Variants in CCDC144A observed in about 807,000 individuals in gnomAD.
The protein encoded by CCDC144A is coiled-coil domain containing 144A.
In CCDC144A, 41 loss-of-function variants were observed where a neutral mutation model predicts 143.8. The ratio of observed to expected loss-of-function variants is 0.29; its 90% CI spans 0.22 to 0.37. The LOEUF (loss-of-function observed/expected upper bound fraction) is 0.37, where lower values mean the gene tolerates loss of function less well. CCDC144A is among the 10% of genes least tolerant of loss of function. The probability of loss-of-function intolerance (pLI) is 1.00; values close to 1 mark genes in which losing one functional copy is unlikely to be tolerated. For synonymous variants in CCDC144A, 242 were observed against 517.9 expected (o/e 0.47, Z 7.23); for missense variants, 637 against 1,488.8 (o/e 0.43, Z 9.41).
chr17:16,706,528 T>G (rs1458182204), intron 3 of CCDC144A: 1 of 139,626 alleles, frequency 7.2e-6, no homozygotes, highest in Non-Finnish European at 1.5e-5. Context: ...CAGGCCTCTT[T>G]CTGCCTTTTG....
Position 16,776,643 on chromosome 17 carries a change from C to T in CCDC144A, c.*3010C>T. On this transcript the variant is annotated 3_prime_UTR_variant, in exon 17 of 17. Transcript: ENST00000399273. ...TCTAGATATAGGATCATATCATCTG[C>T]AAACAAAGATAGTTTGACTTCCTGT... 6.6e-6 allele frequency: 1 copy of T among 152,110 alleles called. No homozygotes were observed. The highest frequency in any genetic ancestry group is 1.5e-5 in the Non-Finnish European group (1 of 68,042). 9.4% of individuals were successfully genotyped at this position (152,110 alleles called of 1,614,324 possible).
At chr17:16,682,908 T>G in the CCDC144A span, among the ~76,000 whole-genome samples, 9 of 127,604 alleles carry the variant, frequency 7.1e-5, no homozygotes, top group South Asian at 5.9e-4. Context: ...TTTTTTTTTT[T>G]TTTTTTTTTT....
In CCDC144A at chr17:16,777,666, G is replaced by A. The variant is rs1253847844; in HGVS notation, c.*4033G>A. ...AATTTAAAAATTCTTTGAACTGAAC[G>A]ATAATAGTGACACAACCTATCAAAA... On this transcript the variant is annotated 3_prime_UTR_variant, in exon 17 of 17. Coordinates refer to ENST00000399273, the MANE Select transcript of CCDC144A (RefSeq NM_001382000.1). 5 of 137,072 alleles carry A rather than the reference G, an allele frequency of 3.6e-5. No homozygotes were observed. The highest frequency in any genetic ancestry group is 7.4e-5 in the Admixed American group (1 of 13,600). 8.5% of individuals were successfully genotyped at this position (137,072 alleles called of 1,614,324 possible).
intron 5 of CCDC144A, among the ~76,000 whole-genome samples, chr17:16,711,136 G>GAAAA (rs1210697273): frequency 0.022 from 472 of 21,762 alleles, 40 homozygotes; most frequent in Admixed American, 0.053. Flanking sequence ...GGATTCAAAT[G>GAAAA]AAAAAAAAAA....
intron 15 of CCDC144A, among the ~76,000 whole-genome samples, chr17:16,770,948 A>T (rs1415315618): frequency 6.6e-6 from 1 of 152,178 alleles, no homozygotes; most frequent in Non-Finnish European, 1.5e-5. Flanking sequence ...TGTCACAGAA[A>T]TGTTATGGAA....
upstream of CCDC144A, among the ~76,000 whole-genome samples, chr17:16,684,971 A>G (rs192042287): frequency 3.8e-3 from 582 of 152,308 alleles, 6 homozygotes; most frequent in African/African-American, 0.013. Context: ...CAAAAAAACA[A>G]AACAAACCCA....
At chr17:16,724,054 T>C (rs1913244580) in intron 8 of CCDC144A, among the ~76,000 whole-genome samples, 1 of 151,626 alleles carries the variant, frequency 6.6e-6, no homozygotes, top group Admixed American at 6.6e-5. Context: ...TTTCATTCAG[T>C]TCAAAATACT....
chr17:16,703,164 A>G (rs1266681776), intron 2 of CCDC144A, among the ~76,000 whole-genome samples: 2 of 152,172 alleles, frequency 1.3e-5, no homozygotes, highest in Non-Finnish European at 2.9e-5. Context: ...CTGAATTAAG[A>G]ATTTATTATG....
intron 2 of CCDC144A, among the ~76,000 whole-genome samples, chr17:16,694,438 C>T (rs1421934170): frequency 6.6e-6 from 1 of 152,010 alleles, no homozygotes; most frequent in African/African-American, 2.4e-5. Flanking sequence ...AAAAAATTAG[C>T]TGGGTGTTTT....
At chr17:16,771,262 TA>T (rs1405566474) in intron 15 of CCDC144A, among the ~76,000 whole-genome samples, 1 of 152,258 alleles carries the variant, frequency 6.6e-6, no homozygotes, top group Non-Finnish European at 1.5e-5. Flanking sequence ...TGCAGTTAAA[TA>T]ACTCTAAATT....
intron 12 of CCDC144A, chr17:16,737,483 C>T (rs1240339566): frequency 7.9e-7 from 1 of 1,265,348 alleles, no homozygotes; most frequent in Non-Finnish European, 1.0e-6. Context: ...AATCTTACTA[C>T]CATAATTTAA....
intron 8 of CCDC144A, among the ~76,000 whole-genome samples, chr17:16,724,925 A>T (rs1429594401): frequency 7.1e-6 from 1 of 141,012 alleles, no homozygotes; most frequent in Non-Finnish European, 1.5e-5. Context: ...TGCTAGGATT[A>T]CAGGCATGAG....
chr17:16,713,963 G>A (rs1228115286), intron 6 of CCDC144A, among the ~76,000 whole-genome samples: 1 of 152,062 alleles, frequency 6.6e-6, no homozygotes, highest in Non-Finnish European at 1.5e-5. Flanking sequence ...CAAGATTGTT[G>A]TTCTCAAGTT....
At chr17:16,693,086 T>C in intron 2 of CCDC144A, 37 bp downstream of exon 2, 6 of 1,565,114 alleles carry the variant, frequency 3.8e-6, no homozygotes, top group Non-Finnish European at 4.3e-6. Flanking sequence ...TTGGTGGTCC[T>C]ACCATAGGTA....
chr17:16,740,263 C>T (rs1224134499), intron 12 of CCDC144A, among the ~76,000 whole-genome samples: 1 of 152,150 alleles, frequency 6.6e-6, no homozygotes, highest in Non-Finnish European at 1.5e-5. Flanking sequence ...TTCTCTTGTA[C>T]ACTCCCGGAG....
At chr17:16,684,152 A>C in the CCDC144A span, 1 of 1,184,220 alleles carries the variant, frequency 8.4e-7, no homozygotes, top group African/African-American at 1.5e-5. Flanking sequence ...GTGGAAGACA[A>C]GTGCAGGGAA....
chr17:16,739,843 T>C (rs1375972770), intron 12 of CCDC144A, among the ~76,000 whole-genome samples: 1 of 151,694 alleles, frequency 6.6e-6, no homozygotes, highest in East Asian at 1.9e-4. Context: ...AGTTGTCTTA[T>C]GTAAGAATAG....
intron 9 of CCDC144A, among the ~76,000 whole-genome samples, chr17:16,729,280 T>C (rs1327126864): frequency 6.6e-6 from 1 of 152,202 alleles, no homozygotes; most frequent in Non-Finnish European, 1.5e-5. Flanking sequence ...ATAATGAGCA[T>C]GCTGGCTGGA....
chr17:16,699,215 T>A (rs1002557957), intron 2 of CCDC144A, among the ~76,000 whole-genome samples: 3 of 150,248 alleles, frequency 2.0e-5, no homozygotes, highest in Non-Finnish European at 4.4e-5. Context: ...TTACATTTCT[T>A]CAGAAATTGG....
Sources: allele counts gnomAD v4.1 joint callset (sites outside exome capture counted in the v4.1 genomes callset), GRCh38; gene constraint gnomAD v4.1.1; transcripts MANE v1.5; gene names NCBI Gene and HGNC (gene_info 2026-07-23, HGNC 2026-07-21).